Variants in MTAP observed in about 807,000 individuals in gnomAD.
MTAP encodes S-methyl-5'-thioadenosine phosphorylase.
MTAP carries 33 observed loss-of-function variants against 33.6 expected under a neutral mutation model. The ratio of observed to expected loss-of-function variants is 0.98; its 90% CI spans 0.74 to 1.31. The LOEUF is 1.31. MTAP is among the 40% of genes most tolerant of loss of function. MTAP has a pLI of 0.00. For synonymous variants in MTAP, 148 were observed against 125.7 expected, an observed-to-expected ratio of 1.18 and a Z score of -1.19; for missense variants, 367 against 360.0, an observed-to-expected ratio of 1.02 and a Z score of -0.16.
intron 1 of MTAP, among the ~76,000 whole-genome samples, chr9:21,926,182 G>C (rs1818866606): frequency 6.6e-6 from 1 of 152,174 alleles, no homozygotes; most frequent in Non-Finnish European, 1.5e-5. Flanking sequence ...AATGCCTATA[G>C]TAACTCAGCT....
chr9:21,901,413 TTGAAAA>T (rs1818391179), intron 1 of MTAP, among the ~76,000 whole-genome samples: 1 of 152,164 alleles, frequency 6.6e-6, no homozygotes, highest in African/African-American at 2.4e-5. Flanking sequence ...GTAATGAAGC[TTGAAAA>T]TTAAAAGGGA....
chr9:21,802,731 T>G lies in MTAP; in HGVS notation c.-18T>G, dbSNP rs1824080702. On this transcript the variant is annotated 5_prime_UTR_variant, in exon 1 of 8. Coordinates refer to ENST00000644715, the MANE Select transcript of MTAP (RefSeq NM_002451.4). ...GTCCCGAGCGCTCGCCCACTGCAGA[T>G]TCCTTTCCCGTGCAGACATGGCCTC... 6.2e-7 allele frequency: 1 copy of G among 1,612,554 alleles called. No individual in the cohort carries two copies. The highest frequency in any genetic ancestry group is 2.2e-5 in the East Asian group (1 of 44,802).
chr9:21,825,803 T>C (rs1021085869), intron 4 of MTAP, among the ~76,000 whole-genome samples: 1 of 152,198 alleles, frequency 6.6e-6, no homozygotes, highest in Admixed American at 6.5e-5. Flanking sequence ...AATGCACCAC[T>C]ACACTCCAGC....
chr9:21,903,908 C>G (rs1818431205), intron 1 of MTAP, among the ~76,000 whole-genome samples: 1 of 152,186 alleles, frequency 6.6e-6, no homozygotes. Context: ...AGTAGACCCC[C>G]TTTCTTATCA....
At chr9:21,899,867 A>G (rs976107037) in intron 1 of MTAP, among the ~76,000 whole-genome samples, 2 of 152,194 alleles carry the variant, frequency 1.3e-5, no homozygotes, top group Non-Finnish European at 2.9e-5. Context: ...GAACCCAGAA[A>G]TAAAGCTGCA....
At chr9:21,911,968 A>C (rs904673043) in intron 1 of MTAP, among the ~76,000 whole-genome samples, 1 of 152,250 alleles carries the variant, frequency 6.6e-6, no homozygotes, top group African/African-American at 2.4e-5. Context: ...GATCCCACAG[A>C]AATACAAACT....
intron 1 of MTAP, among the ~76,000 whole-genome samples, chr9:21,910,493 G>T (rs1261381988): frequency 6.6e-6 from 1 of 152,120 alleles, no homozygotes; most frequent in Admixed American, 6.6e-5. Context: ...TCCAGCTAGA[G>T]AAGACAATTC....
At chr9:21,823,067 C>G (rs1309509006) in intron 4 of MTAP, among the ~76,000 whole-genome samples, 3 of 152,150 alleles carry the variant, frequency 2.0e-5, no homozygotes, top group Non-Finnish European at 4.4e-5. Context: ...ACTGATGGGT[C>G]TTGACTCTTT....
At chr9:21,930,925 A>G in intron 1 of MTAP, 1 of 656,696 alleles carries the variant, frequency 1.5e-6, no homozygotes, top group Non-Finnish European at 2.8e-6. Flanking sequence ...TTAGGCCCAC[A>G]TGTTAGCCTC....
chr9:21,894,106 CAATA>C (rs1818246862), intron 1 of MTAP, among the ~76,000 whole-genome samples: 1 of 150,336 alleles, frequency 6.7e-6, no homozygotes. Context: ...GTACACAAAT[CAATA>C]AATATGATTT....
chr9:21,859,101 C>T, intron 6 of MTAP: 1 of 545,410 alleles, frequency 1.8e-6, no homozygotes, highest in Admixed American at 3.7e-5. Context: ...TAATCCTATC[C>T]ACGAGGACTC....
At position 21,864,350 on chromosome 9, in the gene MTAP, A is replaced by G. The variant is rs1325537904; in HGVS notation, c.*2336A>G. 3.6e-6 allele frequency: 3 copies of G among 844,818 alleles called. No homozygotes were observed. In the East Asian group the frequency reaches 3.6e-4, roughly 102 times the overall value. The allele number at this position is 844,818 out of a possible 1,614,324, so 52.3% of individuals were successfully genotyped here. A position where few individuals can be genotyped will look rare whatever the true frequency, so the allele number is the denominator to read the frequency against. ...ACTTCTCACTTGTGATGCTGTACTAATTTTTTTTTTTTAATTTAAGCTAGT... is the reference window on the plus strand; with the variant it reads ...ACTTCTCACTTGTGATGCTGTACTAGTTTTTTTTTTTTAATTTAAGCTAGT... On this transcript the variant is annotated 3_prime_UTR_variant, in exon 8 of 8. Coordinates refer to ENST00000644715, the MANE Select transcript of MTAP (RefSeq NM_002451.4).
intron 1 of MTAP, among the ~76,000 whole-genome samples, chr9:21,885,664 G>A (rs963356942): frequency 6.6e-6 from 1 of 152,040 alleles, no homozygotes; most frequent in African/African-American, 2.4e-5. Context: ...GAGAGCATAT[G>A]ATGTTTGGTT....
chr9:21,864,219 G>T lies in MTAP; in HGVS notation c.*2205G>T, dbSNP rs549225798. 3 of 985,398 alleles carry T rather than the reference G, an allele frequency of 3.0e-6. No homozygotes were observed. The highest frequency in any genetic ancestry group is 3.6e-6 in the Non-Finnish European group (3 of 829,920). The allele number at this position is 985,398 out of a possible 1,614,324, so 61.0% of individuals were successfully genotyped here. ...TTTTCAGACTAACTAAATGAATGCA[G>T]TATACTCTTTTCTTTGTTCTCAATC... is the stretch of plus-strand genomic sequence containing the variant. On this transcript the variant is annotated 3_prime_UTR_variant, in exon 8 of 8. Transcript: ENST00000644715.
intron 1 of MTAP, among the ~76,000 whole-genome samples, chr9:21,880,226 TTC>T (rs1170911598): frequency 6.6e-6 from 1 of 152,148 alleles, no homozygotes; most frequent in Non-Finnish European, 1.5e-5. Context: ...AGCACACTTG[TTC>T]TGTCTCACCA....
In MTAP at chr9:21,828,448, C is replaced by T. The variant is rs1387431937; in HGVS notation, c.348-9460C>T. Among the ~76,000 whole-genome samples the T allele has an allele frequency of 3.3e-5, 5 of 152,054 alleles. No homozygotes were observed. The East Asian group carries it at 9.7e-4, about 29-fold the overall frequency. ...CAACATTTTGGGAGGCTGAGGCAGG[C>T]AGATCACCTGAGGTCAGGAGTTCGA... On this transcript the variant is annotated intron_variant, in intron 4 of 7. Coordinates refer to ENST00000644715, the MANE Select transcript of MTAP (RefSeq NM_002451.4).
At chr9:21,918,627 T>C (rs1818734163) in intron 1 of MTAP, among the ~76,000 whole-genome samples, 1 of 152,106 alleles carries the variant, frequency 6.6e-6, no homozygotes, top group South Asian at 2.1e-4. Context: ...GCCCCAATAA[T>C]CCCCACATGT....
intron 1 of MTAP, among the ~76,000 whole-genome samples, chr9:21,894,211 TAA>T (rs60193324): frequency 0.018 from 2,350 of 129,724 alleles, 63 homozygotes; most frequent in African/African-American, 0.054. Context: ...CCTTTCATGT[TAA>T]AAAAAAAAAA....
chr9:21,814,736 A>G (rs1824434974), intron 1 of MTAP, among the ~76,000 whole-genome samples: 1 of 152,220 alleles, frequency 6.6e-6, no homozygotes, highest in Admixed American at 6.5e-5. Context: ...TGAATTATTT[A>G]TATTTGCATA....
Sources: allele counts gnomAD v4.1 joint callset (sites outside exome capture counted in the v4.1 genomes callset), GRCh38; gene constraint gnomAD v4.1.1; transcripts MANE v1.5; gene names NCBI Gene and HGNC (gene_info 2026-07-23, HGNC 2026-07-21).